Variants in SCLY observed in about 807,000 individuals in gnomAD.
SCLY encodes selenocysteine lyase.
SCLY carries 38 observed loss-of-function variants against 50.1 expected under a neutral mutation model. The ratio of observed to expected loss-of-function variants is 0.76; its 90% CI spans 0.59 to 0.99. SCLY has a LOEUF of 0.99. Among genes scored for constraint, SCLY ranks in the 50% least tolerant of loss-of-function variants. The pLI is 0.00. For missense variants in SCLY, 600 were observed against 620.0 expected, an observed-to-expected ratio of 0.97 and a Z score of 0.34; for synonymous variants, 243 against 249.4, an observed-to-expected ratio of 0.97 and a Z score of 0.24.
rs1559254775 is a variant in SCLY at position 238,098,633 on chromosome 2, G to GGGACCGCCCACATAGGACCGCCCACATA, written c.*291_*292insAGGACCGCCCACATAGGACCGCCCACAT. ...ACCGCCCACATGGGACCGCCCACAT[G>GGGACCGCCCACATAGGACCGCCCACATA]GGACCGCCCACATGGGACCGCCCAC... On this transcript the variant is annotated 3_prime_UTR_variant, in exon 12 of 12. Transcript: ENST00000254663. 8.6e-4 allele frequency: 198 copies of GGGACCGCCCACATAGGACCGCCCACATA among 230,734 alleles called. 6 individuals carry two copies. The highest frequency in any genetic ancestry group is 3.2e-3 in the Middle Eastern group (3 of 952). 14.3% of individuals were successfully genotyped at this position (230,734 alleles called of 1,614,324 possible).
chr2:238,091,472 T>G, intron 8 of SCLY: 5 of 576,470 alleles, frequency 8.7e-6, no homozygotes, highest in Non-Finnish European at 1.6e-5. Context: ...AGGGAAAAAC[T>G]CCTTGTCTGT....
At chr2:238,076,264 G>A (rs1357725762) in intron 4 of SCLY, among the ~76,000 whole-genome samples, 1 of 151,922 alleles carries the variant, frequency 6.6e-6, no homozygotes, top group Non-Finnish European at 1.5e-5. Flanking sequence ...GCTAATTTTT[G>A]TACTTTTAAT....
Position 238,068,153 on chromosome 2 carries a change from CG to C in SCLY, c.296del (p.Gly99AlafsTer7). The C allele has an allele frequency of 6.2e-7, 1 of 1,607,386 alleles. No homozygotes were observed. The highest frequency in any genetic ancestry group is 8.5e-7 in the Non-Finnish European group (1 of 1,176,084). ...GKPQDIIFTSGGTESNNLVIH... is the reference protein window; with the variant it reads ...GKPQDIIFTSXGTESNNLVIH... ...AACCTCAAGATATAATCTTCACTTC[CG>C]GGGGCACTGAGGTAAAGCTTCTGAA... On this transcript the variant is annotated frameshift_variant, in exon 3 of 12. Transcript: ENST00000254663. LOFTEE classifies it high-confidence loss of function.
At chr2:238,076,361 G>A (rs1302447647) in intron 4 of SCLY, among the ~76,000 whole-genome samples, 1 of 151,998 alleles carries the variant, frequency 6.6e-6, no homozygotes, top group African/African-American at 2.4e-5. Context: ...AAAAGTGCTG[G>A]GATTACAGGT....
chr2:238,065,382 T>C (rs1389975956), intron 2 of SCLY, among the ~76,000 whole-genome samples: 1 of 152,192 alleles, frequency 6.6e-6, no homozygotes, highest in Non-Finnish European at 1.5e-5. Context: ...CTTGAAAATA[T>C]GGAGAATAAT....
intron 4 of SCLY, chr2:238,073,650 T>C (rs1576665222): frequency 2.5e-6 from 1 of 393,546 alleles, no homozygotes; most frequent in Non-Finnish European, 5.1e-6. Context: ...TCATTGCTAA[T>C]GTATGTAAAT....
chr2:238,065,761 G>A (rs750339313), intron 2 of SCLY, among the ~76,000 whole-genome samples: 3 of 151,180 alleles, frequency 2.0e-5, no homozygotes, highest in Non-Finnish European at 4.4e-5. Context: ...TGCAACCTCC[G>A]CCTCCCGGAT....
intron 4 of SCLY, among the ~76,000 whole-genome samples, chr2:238,075,062 T>C (rs1016466418): frequency 6.6e-6 from 1 of 152,196 alleles, no homozygotes; most frequent in Non-Finnish European, 1.5e-5. Flanking sequence ...ATAGATGGCC[T>C]TTATCAGGAT....
chr2:238,068,237 T>C, intron 3 of SCLY, 72 bp downstream of exon 3: 1 of 1,130,888 alleles, frequency 8.8e-7, no homozygotes, highest in Non-Finnish European at 1.3e-6. Flanking sequence ...GTGATTTCCT[T>C]TTGCTACATT....
chr2:238,095,433 A>G (rs1374587354), intron 10 of SCLY: 1 of 152,110 alleles, frequency 6.6e-6, no homozygotes, highest in African/African-American at 2.4e-5. Context: ...GCATCTGTAA[A>G]CAAGTTTTTG....
At chr2:238,079,350 G>A (rs1341457864) in intron 4 of SCLY, 1 of 152,192 alleles carries the variant, frequency 6.6e-6, no homozygotes. Flanking sequence ...TTACAGGCAT[G>A]AGCCAGTGCA....
intron 8 of SCLY, chr2:238,091,597 C>T (rs3739056): frequency 1.3e-5 from 4 of 317,516 alleles, no homozygotes; most frequent in East Asian, 1.5e-4. Flanking sequence ...GTTCTGTCCC[C>T]GATTGGTCTG....
intron 4 of SCLY, chr2:238,079,853 A>G (rs759728721): frequency 5.3e-5 from 8 of 151,690 alleles, no homozygotes; most frequent in Non-Finnish European, 8.8e-5. Context: ...TTCAGCCATT[A>G]TTTTTCAGAG....
Position 238,066,909 on chromosome 2 carries a change from A to G in SCLY, c.203-1156A>G, listed in dbSNP as rs1006143017. 6.6e-6 allele frequency among the ~76,000 whole-genome samples: 1 copy of G among 152,184 alleles called. No homozygotes were observed. Among genetic ancestry groups the G allele is most frequent in the Non-Finnish European group, 1.5e-5 (1 of 68,020 alleles). ...AGTCACATCTTACATGGCAGCAGAG[A>G]AGAGTGTGCGTGCAGGGGAGCTCCC... On this transcript the variant is annotated intron_variant, in intron 2 of 11. Transcript: ENST00000254663. This position sits in a 1 kb window ranked among gnomAD's most constrained non-coding sequence, Gnocchi z 4.1.
At position 238,094,425 on chromosome 2, in the gene SCLY, A is replaced by G; in HGVS notation, c.1011A>G (p.Glu337=). The G allele has an allele frequency of 1.2e-6, 2 of 1,612,900 alleles. No individual in the cohort carries two copies. Among genetic ancestry groups the G allele is most frequent in the Non-Finnish European group, 1.7e-6 (2 of 1,179,390 alleles). The change falls in exon 10 of 12, where the codon GAA becomes GAG. Residue 337 remains glutamate (E), a synonymous_variant. Transcript: ENST00000254663. ...ATTTCACTTATTTTTTTCAGGCTGA[A>G]TTCGGTCAGAAGAGAATCCATCTGA... is the stretch of plus-strand genomic sequence containing the variant. The part of the protein sequence containing the change: ...RDYLEERLEA[E]FGQKRIHLNS...
In SCLY at chr2:238,098,649, G is replaced by GACCGCCCACATAGA. The variant is rs1329906531; in HGVS notation, c.*299_*312dup. ...CGCCCACATGGGACCGCCCACATGG[G>GACCGCCCACATAGA]ACCGCCCACATAGAACCGTCCTCCA... is the stretch of plus-strand genomic sequence containing the variant. On this transcript the variant is annotated 3_prime_UTR_variant, in exon 12 of 12. Coordinates refer to ENST00000254663, the MANE Select transcript of SCLY (RefSeq NM_016510.7). 1.8e-4 allele frequency: 45 copies of GACCGCCCACATAGA among 256,564 alleles called. 1 individual carries two copies. The highest frequency in any genetic ancestry group is 1.1e-3 in the African/African-American group (41 of 37,650). The allele number at this position is 256,564 out of a possible 1,614,324, so 15.9% of individuals were successfully genotyped here. A position where few individuals can be genotyped will look rare whatever the true frequency, so the allele number is the denominator to read the frequency against.
At chr2:238,079,062 CTTTTTCTTTTTTTTTTTTTTTTTTTT>C (rs1334400182) in intron 4 of SCLY, 1 of 121,310 alleles carries the variant, frequency 8.2e-6, no homozygotes, top group Non-Finnish European at 1.6e-5. Flanking sequence ...TTCTTTCTTT[CTTTTTCTTTTTTTTTTTTTTTTTTTT>C]TTTTTTGACA....
Position 238,068,111 on chromosome 2 carries a change from G to T in SCLY, c.249G>T (p.Ala83=). ...TAAATGCAGCTCGGGAAAGCCTCGCGAAGATGATAGGGGGGAAACCTCAAG... is the reference window on the plus strand; with the variant it reads ...TAAATGCAGCTCGGGAAAGCCTCGCTAAGATGATAGGGGGGAAACCTCAAG... ...DIINAARESL[A]KMIGGKPQDI... The change falls in exon 3 of 12, where the codon GCG becomes GCT. Residue 83 remains alanine, a synonymous_variant. Transcript: ENST00000254663. 1 of 1,612,280 alleles carries T rather than the reference G, an allele frequency of 6.2e-7. No homozygotes were observed. The highest frequency in any genetic ancestry group is 1.1e-5 in the South Asian group (1 of 90,464).
chr2:238,066,497 T>A lies in SCLY; in HGVS notation c.203-1568T>A, dbSNP rs563766967. 2.0e-5 allele frequency among the ~76,000 whole-genome samples: 3 copies of A among 152,198 alleles called. No homozygotes were observed. In the South Asian group the frequency reaches 6.2e-4, roughly 32 times the overall value. ...GCACGGTGCCCAAAATGTATTTGGG[T>A]TTTCGAGGCATTACTTTGTCCACTA... is the stretch of plus-strand genomic sequence containing the variant. On this transcript the variant is annotated intron_variant, in intron 2 of 11. Coordinates refer to ENST00000254663, the MANE Select transcript of SCLY (RefSeq NM_016510.7). The surrounding 1 kb of genome is among the most constrained non-coding windows in gnomAD (Gnocchi z 4.1).
Sources: allele counts gnomAD v4.1 joint callset (sites outside exome capture counted in the v4.1 genomes callset), GRCh38; gene constraint gnomAD v4.1.1; non-coding constraint Gnocchi (gnomAD v3.1); transcripts MANE v1.5; gene names NCBI Gene and HGNC (gene_info 2026-07-23, HGNC 2026-07-21).